EYS: variants seen among roughly 807,000 people sequenced by gnomAD.
The protein encoded by EYS is protein eyes shut homolog.
A neutral mutation model predicts 282.1 loss-of-function variants in EYS; 250 were observed. The observed-to-expected ratio is 0.89, with a 90% CI of 0.80 to 0.98. The LOEUF (loss-of-function observed/expected upper bound fraction) is 0.98, where lower values mean the gene tolerates loss of function less well. EYS is among the 50% of genes least tolerant of loss of function. The pLI is 0.00. For synonymous variants in EYS, 1,355 were observed against 1,282.9 expected, an observed-to-expected ratio of 1.06 and a Z score of -1.20; for missense variants, 4,016 against 3,709.0, an observed-to-expected ratio of 1.08 and a Z score of -2.15.
In EYS at chr6:65,491,707, T is replaced by G. The variant is rs148218483; in HGVS notation, c.749-1000A>C. ...TAATGCCAATAGGCCACACCCTAAT[T>G]AAAACTTAGTGAGTTTTATGAGCTA... On this transcript the variant is annotated intron_variant, in intron 4 of 42. Coordinates refer to ENST00000503581, the MANE Select transcript of EYS (RefSeq NM_001142800.2). The G allele has an allele frequency of 2.7e-3, 788 of 291,440 alleles. 9 individuals are homozygous for G. Among genetic ancestry groups the G allele is most frequent in the African/African-American group, 0.015 (678 of 45,576 alleles). 18.1% of individuals were successfully genotyped at this position (291,440 alleles called of 1,614,324 possible). A position where few individuals can be genotyped will look rare whatever the true frequency, so the allele number is the denominator to read the frequency against.
intron 22 of EYS, among the ~76,000 whole-genome samples, chr6:64,723,080 C>A (rs1262689553): frequency 1.9e-5 from 1 of 53,910 alleles, no homozygotes; most frequent in Non-Finnish European, 3.9e-5. Flanking sequence ...GAAAGAAAGG[C>A]CCTAAGGAAA....
At chr6:65,326,860 T>A (rs1345428900) in intron 11 of EYS, among the ~76,000 whole-genome samples, 1 of 151,642 alleles carries the variant, frequency 6.6e-6, no homozygotes. Context: ...ATTTATTTCT[T>A]ATTGGAAATC....
At chr6:64,201,768 C>A (rs553083998) in intron 31 of EYS, among the ~76,000 whole-genome samples, 1 of 152,126 alleles carries the variant, frequency 6.6e-6, no homozygotes, top group African/African-American at 2.4e-5. Context: ...TTCACAGCAA[C>A]TTTAAAGTAA....
chr6:64,608,565 T>C (rs544841193), intron 24 of EYS, among the ~76,000 whole-genome samples: 15 of 152,270 alleles, frequency 9.9e-5, no homozygotes, highest in Admixed American at 1.3e-4. Flanking sequence ...TGCCTCGATG[T>C]ATAGCAAACG....
chr6:65,314,609 T>TG (rs1769251924), intron 11 of EYS, among the ~76,000 whole-genome samples: 1 of 135,644 alleles, frequency 7.4e-6, no homozygotes. Flanking sequence ...TGTGTGTGTG[T>TG]TTTCCAGCTA....
At chr6:64,603,138 C>T (rs562909252) in intron 24 of EYS, among the ~76,000 whole-genome samples, 1 of 152,032 alleles carries the variant, frequency 6.6e-6, no homozygotes, top group Non-Finnish European at 1.5e-5. Flanking sequence ...GTAGCTCTGG[C>T]CCTTTTTGGG....
At chr6:64,639,118 G>C (rs1768052330) in intron 22 of EYS, among the ~76,000 whole-genome samples, 1 of 88,948 alleles carries the variant, frequency 1.1e-5, no homozygotes, top group African/African-American at 4.5e-5. Flanking sequence ...TCTCCTCCTT[G>C]TGTCTTTGCA....
intron 22 of EYS, among the ~76,000 whole-genome samples, chr6:64,719,179 G>C (rs1305973599): frequency 6.6e-6 from 1 of 152,190 alleles, no homozygotes; most frequent in African/African-American, 2.4e-5. Flanking sequence ...AAGGAAATTA[G>C]ATTTTTCCCT....
intron 26 of EYS, among the ~76,000 whole-genome samples, chr6:64,582,599 TG>T (rs1340511783): frequency 1.3e-5 from 2 of 150,248 alleles, no homozygotes; most frequent in African/African-American, 4.9e-5. Context: ...TTTTTTTTTT[TG>T]CTTGCTATTT....
At chr6:65,273,797 CTCTG>C (rs1224024519) in intron 12 of EYS, among the ~76,000 whole-genome samples, 1 of 152,170 alleles carries the variant, frequency 6.6e-6, no homozygotes, top group East Asian at 1.9e-4. Context: ...AAAAACCCCA[CTCTG>C]TCTTTGTTCA....
At chr6:64,620,100 C>T in intron 23 of EYS, among the ~76,000 whole-genome samples, 1 of 151,976 alleles carries the variant, frequency 6.6e-6, no homozygotes, top group East Asian at 1.9e-4. Flanking sequence ...CAAAACGGAC[C>T]TGAATAATGG....
At chr6:64,646,350 TC>T (rs1768350228) in intron 22 of EYS, among the ~76,000 whole-genome samples, 1 of 152,178 alleles carries the variant, frequency 6.6e-6, no homozygotes, top group Non-Finnish European at 1.5e-5. Context: ...AGTGAATCAT[TC>T]ATTGGATTCA....
intron 4 of EYS, chr6:65,491,525 C>T (rs544596850): frequency 3.2e-5 from 13 of 402,820 alleles, no homozygotes; most frequent in African/African-American, 2.5e-4. Flanking sequence ...TTTCAAATTC[C>T]TTATATACTG....
intron 2 of EYS, among the ~76,000 whole-genome samples, chr6:65,577,124 A>T (rs1417847885): frequency 1.3e-5 from 2 of 151,904 alleles, no homozygotes; most frequent in East Asian, 3.9e-4. Context: ...AGCAATCTTG[A>T]GTAAAAAGAA....
At chr6:65,215,989 A>G (rs934022342) in intron 12 of EYS, among the ~76,000 whole-genome samples, 3 of 152,196 alleles carry the variant, frequency 2.0e-5, no homozygotes, top group Non-Finnish European at 1.5e-5. Context: ...CTAGAGAACA[A>G]AAATATTTTA....
At chr6:64,891,934 A>G (rs1767304046) in intron 18 of EYS, among the ~76,000 whole-genome samples, 1 of 152,088 alleles carries the variant, frequency 6.6e-6, no homozygotes, top group South Asian at 2.1e-4. Context: ...AAACTTAAAT[A>G]TATTGTCAAA....
intron 11 of EYS, chr6:65,331,466 G>C (rs1769795093): frequency 3.5e-6 from 3 of 866,184 alleles, no homozygotes; most frequent in Non-Finnish European, 2.8e-6. Flanking sequence ...CTGATATAGA[G>C]AAACTTAATT....
At chr6:65,651,441 A>G (rs1180698607) in intron 1 of EYS, among the ~76,000 whole-genome samples, 5 of 152,050 alleles carry the variant, frequency 3.3e-5, no homozygotes, top group African/African-American at 4.8e-5. Context: ...CTGTACATAT[A>G]TATCTGATAT....
rs774670195 is a variant in EYS at position 65,689,933 on chromosome 6, C to T, written c.-448+17202G>A. 3.8e-4 allele frequency among the ~76,000 whole-genome samples: 57 copies of T among 149,682 alleles called. 1 individual carries two copies. The highest frequency in any genetic ancestry group is 1.4e-3 in the African/African-American group (56 of 41,210). Reference sequence around the variant, plus strand: ...TGAAAGCTGGGTCCAGGGGGGTCACCGCATTCTGGTCCCGCAGTACCAACA... The same window carrying T: ...TGAAAGCTGGGTCCAGGGGGGTCACTGCATTCTGGTCCCGCAGTACCAACA... On this transcript the variant is annotated intron_variant, in intron 1 of 42. Coordinates refer to ENST00000503581, the MANE Select transcript of EYS (RefSeq NM_001142800.2).
Sources: allele counts gnomAD v4.1 joint callset (sites outside exome capture counted in the v4.1 genomes callset), GRCh38; gene constraint gnomAD v4.1.1; transcripts MANE v1.5; gene names NCBI Gene and HGNC (gene_info 2026-07-23, HGNC 2026-07-21).